Variants in MND1 observed in about 807,000 individuals in gnomAD.
MND1 encodes the protein meiotic nuclear division protein 1 homolog.
A neutral mutation model predicts 35.1 loss-of-function variants in MND1; 28 were observed. The observed-to-expected ratio is 0.80, with a 90% confidence interval of 0.59 to 1.09. The LOEUF (loss-of-function observed/expected upper bound fraction) is 1.09. Ranked by LOEUF, MND1 falls within the 50% of genes least tolerant of loss-of-function variation. The probability of loss-of-function intolerance (pLI) is 0.00; values close to 1 mark genes in which losing one functional copy is unlikely to be tolerated. For synonymous variants in MND1, 69 were observed against 70.5 expected (o/e 0.98, Z 0.11); for missense variants, 213 against 239.6 (o/e 0.89, Z 0.73).
chr4:153,376,023 C>T (rs1464710555), intron 4 of MND1, among the ~76,000 whole-genome samples: 1 of 152,032 alleles, frequency 6.6e-6, no homozygotes, highest in Non-Finnish European at 1.5e-5. Flanking sequence ...TGCTAGTTCT[C>T]CTGAAATATA....
chr4:153,358,662 A>G, intron 4 of MND1, 40 bp downstream of exon 4: 2 of 1,576,238 alleles, frequency 1.3e-6, no homozygotes, highest in South Asian at 1.2e-5. Flanking sequence ...TTGCTTTATA[A>G]CGGAGAGTTG....
At chr4:153,371,664 T>G (rs889638895) in intron 4 of MND1, among the ~76,000 whole-genome samples, 2 of 152,070 alleles carry the variant, frequency 1.3e-5, no homozygotes, top group African/African-American at 2.4e-5. Flanking sequence ...AACGTTGTGG[T>G]TGGCTCGATC....
intron 4 of MND1, among the ~76,000 whole-genome samples, chr4:153,390,901 GTGTGTGTGTGTGTGTATA>G (rs1259930030): frequency 2.9e-5 from 4 of 136,564 alleles, no homozygotes; most frequent in East Asian, 2.1e-4. Flanking sequence ...GTGTGTGTGT[GTGTGTGTGTGTGTGTATA>G]TGTGTGTGTG....
chr4:153,397,070 ATC>A (rs1729215492), intron 5 of MND1, 147 bp from the exon 6 acceptor site: 4 of 496,920 alleles, frequency 8.0e-6, no homozygotes, highest in Non-Finnish European at 1.4e-5. Flanking sequence ...TACTGTGAAT[ATC>A]TGTGTGTGTA....
chr4:153,395,595 A>C (rs1160609163), intron 5 of MND1, among the ~76,000 whole-genome samples: 4 of 152,192 alleles, frequency 2.6e-5, no homozygotes, highest in Non-Finnish European at 4.4e-5. Flanking sequence ...AAAGAAGAAA[A>C]ATAGCTAACG....
At chr4:153,401,227 T>A (rs953004590) in intron 6 of MND1, among the ~76,000 whole-genome samples, 29 of 151,768 alleles carry the variant, frequency 1.9e-4, no homozygotes, top group African/African-American at 7.0e-4. Context: ...GCATATGGAG[T>A]CCTTGACTCC....
At position 153,355,704 on chromosome 4, in the gene MND1, A is replaced by G. The variant is rs10471075; in HGVS notation, c.120A>G (p.Lys40=). The G allele has an allele frequency of 0.047, 74,421 of 1,570,168 alleles. 2,727 individuals carry two copies. The highest frequency in any genetic ancestry group is 0.14 in the African/African-American group (10,390 of 73,616). Residue 40 remains lysine (K), a synonymous_variant, in exon 3 of 8, where the codon AAA becomes AAG. Coordinates refer to ENST00000240488, the MANE Select transcript of MND1 (RefSeq NM_032117.4). ...TGGAGAAGATTGCTCCCAAAGAGAA[A>G]GGCATTAGTAAGTACCAAAGTTATA... ...KDLEKIAPKE[K]GITAMSVKEV...
intron 4 of MND1, among the ~76,000 whole-genome samples, chr4:153,392,246 C>T (rs1228208243): frequency 2.0e-5 from 3 of 151,736 alleles, no homozygotes; most frequent in South Asian, 2.1e-4. Flanking sequence ...GGACTACAAG[C>T]GCACGCCACC....
At chr4:153,359,344 A>G (rs1773421830) in intron 4 of MND1, among the ~76,000 whole-genome samples, 2 of 152,208 alleles carry the variant, frequency 1.3e-5, no homozygotes, top group African/African-American at 4.8e-5. Context: ...AGGTTTCTCC[A>G]TGTCTATTAA....
At chr4:153,372,521 G>A (rs533228464) in intron 4 of MND1, among the ~76,000 whole-genome samples, 2 of 152,178 alleles carry the variant, frequency 1.3e-5, no homozygotes, top group Non-Finnish European at 2.9e-5. Flanking sequence ...ATGTGTCCAC[G>A]AAACTATCAC....
intron 4 of MND1, chr4:153,381,693 T>TATATATATATATATA (rs1491188331): frequency 5.8e-4 from 7 of 12,080 alleles, no homozygotes; most frequent in East Asian, 4.0e-3. Context: ...TATATATATA[T>TATATATATATATATA]TTTTTTTTTT....
Position 153,409,370 on chromosome 4 carries a change from C to CTAATAATAATAA in MND1, c.511+364_511+375dup, listed in dbSNP as rs58903970. On this transcript the variant is annotated intron_variant, in intron 7 of 7. Coordinates refer to ENST00000240488, the MANE Select transcript of MND1 (RefSeq NM_032117.4). ...GAAATCTTAAAGATTTATCATCTTG[C>CTAATAATAATAA]TAATAATAATAATAATAATAGCTAA... Among the ~76,000 whole-genome samples the CTAATAATAATAA allele has an allele frequency of 1.3e-3, 201 of 149,426 alleles. 2 individuals carry two copies. Among genetic ancestry groups the CTAATAATAATAA allele is most frequent in the African/African-American group, 2.8e-3 (114 of 40,602 alleles).
At chr4:153,351,153 G>T (rs1008429458) in intron 2 of MND1, among the ~76,000 whole-genome samples, 3 of 152,138 alleles carry the variant, frequency 2.0e-5, no homozygotes, top group African/African-American at 7.2e-5. Context: ...TATGGTCTCA[G>T]CAAGAAAAGT....
At chr4:153,372,370 A>G (rs756993388) in intron 4 of MND1, among the ~76,000 whole-genome samples, 5 of 152,154 alleles carry the variant, frequency 3.3e-5, no homozygotes, top group Non-Finnish European at 7.4e-5. Context: ...CTTAGAGGAT[A>G]TCATAGGATT....
At chr4:153,373,300 G>C (rs999462911) in intron 4 of MND1, among the ~76,000 whole-genome samples, 1 of 152,116 alleles carries the variant, frequency 6.6e-6, no homozygotes, top group African/African-American at 2.4e-5. Context: ...TGAGCCTCAA[G>C]TACTTACCTT....
At chr4:153,350,161 G>A (rs1300759816) in intron 2 of MND1, 32 bp downstream of exon 2, 1 of 1,513,234 alleles carries the variant, frequency 6.6e-7, no homozygotes, top group Non-Finnish European at 9.1e-7. Flanking sequence ...TTATAATTTT[G>A]TGTAATTTTC....
intron 4 of MND1, among the ~76,000 whole-genome samples, chr4:153,383,090 A>G (rs1049375656): frequency 6.6e-6 from 1 of 152,246 alleles, no homozygotes; most frequent in Admixed American, 6.5e-5. Flanking sequence ...TATAATACAT[A>G]AAATTAGGAC....
chr4:153,381,434 C>G (rs1293141070), intron 4 of MND1, among the ~76,000 whole-genome samples: 1 of 151,028 alleles, frequency 6.6e-6, no homozygotes, highest in Non-Finnish European at 1.5e-5. Context: ...CCCCCCAAAT[C>G]AGACAACCTT....
At chr4:153,409,585 G>T (rs899069369) in intron 7 of MND1, among the ~76,000 whole-genome samples, 3 of 152,058 alleles carry the variant, frequency 2.0e-5, no homozygotes, top group Admixed American at 2.0e-4. Context: ...TTTCTGGCTG[G>T]ACTTAAAATG....
Sources: gnomAD v4.1 joint callset for allele counts (sites outside exome capture counted in the v4.1 genomes callset) on GRCh38, gnomAD v4.1.1 for gene constraint, MANE v1.5 for transcripts, NCBI Gene and HGNC (gene_info 2026-07-23, HGNC 2026-07-21) for gene names.